ADGRF1: variants seen among roughly 807,000 people sequenced by gnomAD.
ADGRF1 encodes G protein-coupled receptor 110.
ADGRF1 carries 85 observed loss-of-function variants against 87.2 expected under a neutral mutation model. That is an observed-to-expected ratio of 0.97 (90% CI 0.82 to 1.17). The LOEUF is 1.17. Among genes scored for constraint, ADGRF1 ranks in the 50% most tolerant of loss-of-function variants. ADGRF1 has a pLI of 0.00. For synonymous variants in ADGRF1, 430 were observed against 408.8 expected (o/e 1.05, Z -0.63); for missense variants, 1,169 against 1,077.2 (o/e 1.09, Z -1.19).
chr6:47,017,366 G>A (rs1397072338), intron 7 of ADGRF1: 1 of 152,198 alleles, frequency 6.6e-6, no homozygotes, highest in Non-Finnish European at 1.5e-5. Flanking sequence ...AAAGGCTGCT[G>A]TGTAGAAAAC....
chr6:47,020,000 C>T (rs993557316), intron 7 of ADGRF1: 6 of 988,392 alleles, frequency 6.1e-6, no homozygotes, highest in African/African-American at 1.7e-5. Context: ...CTTCTGGCTC[C>T]GAATTATGAG....
rs778151404 is a variant in ADGRF1 at position 47,009,004 on chromosome 6, T to C, written c.2431A>G (p.Ile811Val). 6.2e-7 allele frequency: 1 copy of C among 1,613,860 alleles called. No homozygotes were observed. ...GLTWGFGIGTIVDSQNLAWHV... is the reference protein window; with the variant it reads ...GLTWGFGIGTVVDSQNLAWHV... Reference sequence around the variant, plus strand: ...CAAGCCAGATTCTGGCTGTCCACTATTGTTCCTATTCCAAAGCCCCAGGTG... The same window carrying C: ...CAAGCCAGATTCTGGCTGTCCACTACTGTTCCTATTCCAAAGCCCCAGGTG... The change falls in exon 11 of 15, where the codon ATA becomes GTA. Residue 811 changes from isoleucine to valine, a missense_variant. Transcript: ENST00000371253.
At chr6:47,011,686 C>T (rs1382232790) in intron 10 of ADGRF1, among the ~76,000 whole-genome samples, 1 of 152,166 alleles carries the variant, frequency 6.6e-6, no homozygotes, top group Non-Finnish European at 1.5e-5. Flanking sequence ...CAAGTCTGAG[C>T]TTGCGGCCAC....
intron 13 of ADGRF1, 145 bp from the exon 14 acceptor site, chr6:47,001,712 C>G: frequency 3.2e-6 from 2 of 615,412 alleles, no homozygotes; most frequent in Non-Finnish European, 5.6e-6. Flanking sequence ...AGAATGGTTA[C>G]TTTCTCACTC....
chr6:47,007,214 T>C (rs1779558013), intron 12 of ADGRF1, 39 bp downstream of exon 12: 1 of 1,332,610 alleles, frequency 7.5e-7, no homozygotes, highest in Non-Finnish European at 1.1e-6. Context: ...GCCTAAGATG[T>C]CTAGGCTAGG....
At chr6:47,021,827 A>G in intron 6 of ADGRF1, 131 bp downstream of exon 6, 1 of 596,670 alleles carries the variant, frequency 1.7e-6, no homozygotes, top group South Asian at 2.1e-5. Flanking sequence ...GGCAGAGCAA[A>G]TAACTGTTTT....
chr6:47,005,707 A>T, intron 13 of ADGRF1, 110 bp downstream of exon 13: 1 of 669,914 alleles, frequency 1.5e-6, no homozygotes, highest in Non-Finnish European at 2.6e-6. Context: ...TAATGGTGAA[A>T]GAAATTCAAG....
At chr6:47,030,907 C>T (rs1318038173) in intron 1 of ADGRF1, among the ~76,000 whole-genome samples, 4 of 151,992 alleles carry the variant, frequency 2.6e-5, no homozygotes, top group African/African-American at 7.3e-5. Flanking sequence ...GCATTACAGG[C>T]GTGCATCACA....
At chr6:47,019,965 C>A in intron 7 of ADGRF1, 4 of 986,784 alleles carry the variant, frequency 4.1e-6, no homozygotes, top group Non-Finnish European at 4.8e-6. Context: ...GTTATCTGTG[C>A]AAAGATATCT....
chr6:47,033,753 G>A (rs1296446832), intron 1 of ADGRF1, among the ~76,000 whole-genome samples: 1 of 152,218 alleles, frequency 6.6e-6, no homozygotes, highest in Non-Finnish European at 1.5e-5. Flanking sequence ...ATTTTCATTG[G>A]CATCTATCTT....
At position 47,027,737 on chromosome 6, in the gene ADGRF1, T is replaced by G; in HGVS notation, c.94A>C (p.Lys32Gln). ...LGKNDGIKTKKELIVNKKKHL... is the reference protein window; with the variant it reads ...LGKNDGIKTKQELIVNKKKHL... The stretch of plus-strand genomic sequence containing the variant: ...TTTTTCTTATTCACAATGAGTTCTT[T>G]TTTTGTTTTGATGCCATCATTTTTC... Residue 32 changes from lysine (K) to glutamine (Q), a missense_variant, in exon 3 of 15, where the codon AAA (lysine) becomes CAA (glutamine). Physicochemically the swap from Lys to Gln is moderately conservative, Grantham distance 53. Coordinates refer to ENST00000371253, the MANE Select transcript of ADGRF1 (RefSeq NM_153840.4). 1 of 1,600,208 alleles carries G rather than the reference T, an allele frequency of 6.2e-7. No homozygotes were observed. The highest frequency in any genetic ancestry group is 1.1e-5 in the South Asian group (1 of 90,676).
chr6:47,024,887 G>C (rs1174651802), intron 4 of ADGRF1, among the ~76,000 whole-genome samples: 1 of 152,194 alleles, frequency 6.6e-6, no homozygotes, highest in South Asian at 2.1e-4. Context: ...CCCATACATA[G>C]CCACTGCAAT....
At chr6:47,027,346 G>T (rs1780266540) in intron 3 of ADGRF1, among the ~76,000 whole-genome samples, 2 of 152,206 alleles carry the variant, frequency 1.3e-5, no homozygotes, top group African/African-American at 4.8e-5. Flanking sequence ...CACTGTTTCT[G>T]TGAGGAAATG....
At chr6:47,035,792 C>T (rs1218635762) in intron 1 of ADGRF1, among the ~76,000 whole-genome samples, 2 of 152,188 alleles carry the variant, frequency 1.3e-5, no homozygotes, top group Non-Finnish European at 2.9e-5. Flanking sequence ...ACATTTCAAA[C>T]CTATCTTCCT....
Position 47,027,719 on chromosome 6 carries a change from T to C in ADGRF1, c.112A>G (p.Lys38Glu). ...AGAGCCTCACCTAGATGTTTTTTCTTATTCACAATGAGTTCTTTTTTTGTT... is the reference window on the plus strand; with the variant it reads ...AGAGCCTCACCTAGATGTTTTTTCTCATTCACAATGAGTTCTTTTTTTGTT... ...IKTKKELIVN[K>E]KKHLGPVEEY... Residue 38 changes from lysine to glutamate, a missense_variant, in exon 3 of 15, where the codon AAG becomes GAG. Lys to Glu is a moderately conservative substitution (Grantham distance 56). Coordinates refer to ENST00000371253, the MANE Select transcript of ADGRF1 (RefSeq NM_153840.4). The C allele has an allele frequency of 6.2e-7, 1 of 1,605,840 alleles. No homozygotes were observed. Among genetic ancestry groups the C allele is most frequent in the African/African-American group, 1.3e-5 (1 of 74,784 alleles).
At chr6:47,033,561 A>G (rs1056168234) in intron 1 of ADGRF1, among the ~76,000 whole-genome samples, 1 of 152,264 alleles carries the variant, frequency 6.6e-6, no homozygotes, top group Admixed American at 6.5e-5. Flanking sequence ...CAGAATTCCC[A>G]GTAGAGCTGT....
chr6:47,025,958 T>A lies in ADGRF1; in HGVS notation c.173A>T (p.Asp58Val). 1 of 1,610,390 alleles carries A rather than the reference T, an allele frequency of 6.2e-7. No homozygotes were observed. Residue 58 changes from aspartate (D) to valine (V), a missense_variant, in exon 4 of 15, where the codon GAT becomes GTT. Physicochemically the swap from Asp to Val is radical, Grantham distance 152. Coordinates refer to ENST00000371253, the MANE Select transcript of ADGRF1 (RefSeq NM_153840.4). Reference protein sequence around the residue: ...YQLLLQVTYRDSKEKRDLRNF... With the variant: ...YQLLLQVTYRVSKEKRDLRNF... ...TCTCAAATCTCTTTTCTCCTTGGAATCTCTATAGGTCACCTGAAGCAGCAG... is the reference window on the plus strand; with the variant it reads ...TCTCAAATCTCTTTTCTCCTTGGAAACTCTATAGGTCACCTGAAGCAGCAG...
At position 47,014,690 on chromosome 6, in the gene ADGRF1, TTC is replaced by T. The variant is rs769009363; in HGVS notation, c.916_917del (p.Glu306ThrfsTer14). The part of the protein sequence containing the change: ...RETCVLSLLE[E>X]LNKNFSMIVG... ...AGTGAAAATGCCTCACCTTGTTCAG[TTC>T]TTCAAGCAGAGAGAGCACACAAGTC... On this transcript the variant is annotated frameshift_variant, in exon 9 of 15. Coordinates refer to ENST00000371253, the MANE Select transcript of ADGRF1 (RefSeq NM_153840.4). LOFTEE classifies it high-confidence loss of function. The T allele has an allele frequency of 1.9e-6, 3 of 1,613,508 alleles. No homozygotes were observed. The highest frequency in any genetic ancestry group is 2.5e-6 in the Non-Finnish European group (3 of 1,179,760).
In ADGRF1 at chr6:47,009,508, C is replaced by A. The variant is rs1561867078; in HGVS notation, c.1927G>T (p.Val643Phe). The change falls in exon 11 of 15, where the codon GTT becomes TTT. Residue 643 changes from valine to phenylalanine, a missense_variant. Val to Phe is a conservative substitution (Grantham distance 50, BLOSUM62 -1). Coordinates refer to ENST00000371253, the MANE Select transcript of ADGRF1 (RefSeq NM_153840.4). The part of the protein sequence containing the change: ...SLLIADVWFI[V>F]GATVDTTVNP... The stretch of plus-strand genomic sequence containing the variant: ...ACCGTGGTGTCCACTGTGGCACCAA[C>A]AATAAACCAGACATCAGCAATCAAG... The A allele has an allele frequency of 1.2e-6, 2 of 1,614,008 alleles. No homozygotes were observed. Among genetic ancestry groups the A allele is most frequent in the Admixed American group, 1.7e-5 (1 of 59,996 alleles).
Sources: allele counts gnomAD v4.1 joint callset (sites outside exome capture counted in the v4.1 genomes callset), GRCh38; gene constraint gnomAD v4.1.1; transcripts MANE v1.5; gene names NCBI Gene and HGNC (gene_info 2026-07-23, HGNC 2026-07-21).